The following OR3A2 variants were observed in gnomAD, a reference collection of about 807,000 sequenced individuals.
OR3A2 encodes the protein olfactory receptor 3A2.
For synonymous variants in OR3A2, 126 were observed against 159.3 expected, an observed-to-expected ratio of 0.79 and a Z score of 1.57; for missense variants, 318 against 392.8, an observed-to-expected ratio of 0.81 and a Z score of 1.61.
intron 3 of OR3A2, among the ~76,000 whole-genome samples, chr17:3,332,080 C>G (rs1273892577): frequency 6.6e-6 from 1 of 152,174 alleles, no homozygotes; most frequent in Non-Finnish European, 1.5e-5. Flanking sequence ...ATTCTCAGAT[C>G]TCCAGCTGTG....
At chr17:3,300,702 T>A (rs1026246304) in intron 3 of OR3A2, among the ~76,000 whole-genome samples, 104 of 143,976 alleles carry the variant, frequency 7.2e-4, no homozygotes, top group African/African-American at 1.6e-3. Context: ...CTTTTTTTTT[T>A]AAATTATACT....
chr17:3,378,316 GGC>G (rs1305899706), intron 2 of OR3A2, among the ~76,000 whole-genome samples: 2 of 152,220 alleles, frequency 1.3e-5, no homozygotes, highest in Non-Finnish European at 2.9e-5. Flanking sequence ...GCAGGGGGCT[GGC>G]ACGTCAGCCC....
At chr17:3,277,373 C>T (rs1161359381) in exon 2 of OR3A2, 1 of 152,132 alleles carries the variant, frequency 6.6e-6, no homozygotes, top group Non-Finnish European at 1.5e-5. Flanking sequence ...AAAACAACAA[C>T]AAAACAAAAC....
chr17:3,316,844 G>C (rs2049085569), intron 3 of OR3A2, among the ~76,000 whole-genome samples: 1 of 152,236 alleles, frequency 6.6e-6, no homozygotes, highest in Admixed American at 6.5e-5. Context: ...AGGCAGTACA[G>C]TTGAATGAAG....
At chr17:3,297,941 T>A (rs2048932838) in intron 3 of OR3A2, among the ~76,000 whole-genome samples, 1 of 151,850 alleles carries the variant, frequency 6.6e-6, no homozygotes, top group African/African-American at 2.4e-5. Flanking sequence ...GTGTCTCTTC[T>A]CCCTTTATCT....
rs938842902 is a variant in OR3A2 at position 3,328,753 on chromosome 17, A to G, written c.-85+7280T>C. Among the ~76,000 whole-genome samples the G allele has an allele frequency of 5.0e-5, 7 of 138,812 alleles. No homozygotes were observed. In the Admixed American group the frequency reaches 5.1e-4, roughly 10 times the overall value. 91.1% of individuals were successfully genotyped at this position (138,812 alleles called of 152,430 possible). On this transcript the variant is annotated intron_variant, in intron 3 of 4. Coordinates refer to the OR3A2 transcript ENST00000573491. ...TCCCATCAATACCTAATTTATTGAGAGTTTTTAGCATGAAGGGTTGTTGAA... is the reference window on the plus strand; with the variant it reads ...TCCCATCAATACCTAATTTATTGAGGGTTTTTAGCATGAAGGGTTGTTGAA...
chr17:3,365,835 T>C lies in OR3A2; in HGVS notation c.-179+17969A>G, dbSNP rs181081406. On this transcript the variant is annotated intron_variant, in intron 2 of 4. Transcript: ENST00000573491. The stretch of plus-strand genomic sequence containing the variant: ...TTAATTGCATGCAACAGAAATCAAC[T>C]AGCTTGCTTATGCAAAAAGGAAAAA... 1.4e-4 allele frequency among the ~76,000 whole-genome samples: 21 copies of C among 152,262 alleles called. No homozygotes were observed. The East Asian group carries it at 4.1e-3, about 29-fold the overall frequency.
intron 2 of OR3A2, among the ~76,000 whole-genome samples, chr17:3,371,248 G>A (rs1170475053): frequency 2.0e-5 from 3 of 151,476 alleles, no homozygotes; most frequent in Non-Finnish European, 4.4e-5. Flanking sequence ...GCGAGGGGCT[G>A]ACCTCCTCAC....
intron 2 of OR3A2, among the ~76,000 whole-genome samples, chr17:3,359,328 G>T (rs778582114): frequency 1.3e-5 from 2 of 151,636 alleles, no homozygotes; most frequent in African/African-American, 4.9e-5. Context: ...CTGTTAGCTG[G>T]TTATTATCTT....
At chr17:3,361,208 G>C (rs1199309529) in intron 2 of OR3A2, among the ~76,000 whole-genome samples, 3 of 137,574 alleles carry the variant, frequency 2.2e-5, no homozygotes, top group African/African-American at 8.9e-5. Context: ...CTCATGATTT[G>C]GCTGTTTGTC....
chr17:3,308,389 G>A (rs1567549530), intron 3 of OR3A2, among the ~76,000 whole-genome samples: 1 of 151,976 alleles, frequency 6.6e-6, no homozygotes, highest in Non-Finnish European at 1.5e-5. Flanking sequence ...TCTTTGGCCG[G>A]GTGAGTCTCA....
intron 2 of OR3A2, among the ~76,000 whole-genome samples, chr17:3,374,951 C>T (rs1358214952): frequency 6.6e-6 from 1 of 151,896 alleles, no homozygotes; most frequent in African/African-American, 2.4e-5. Context: ...TGAGTGGGAA[C>T]ATACAATGTT....
In OR3A2 at chr17:3,363,201, C is replaced by G. The variant is rs1297311989; in HGVS notation, c.-179+20603G>C. ...GAAAATGGGTTTGTCTTTTCTACCTCATGGTCAGGCTGCAAATTTTTCAAA... is the reference window on the plus strand; with the variant it reads ...GAAAATGGGTTTGTCTTTTCTACCTGATGGTCAGGCTGCAAATTTTTCAAA... On this transcript the variant is annotated intron_variant, in intron 2 of 4. Coordinates refer to the OR3A2 transcript ENST00000573491. 2.6e-5 allele frequency among the ~76,000 whole-genome samples: 4 copies of G among 151,840 alleles called. 1 individual carries two copies. Among genetic ancestry groups the G allele is most frequent in the African/African-American group, 9.7e-5 (4 of 41,078 alleles).
chr17:3,345,719 C>T lies in OR3A2; in HGVS notation c.-178-9593G>A, dbSNP rs565044108. Among the ~76,000 whole-genome samples, 7 of 151,520 alleles carry T rather than the reference C, an allele frequency of 4.6e-5. No homozygotes were observed. In the East Asian group the frequency reaches 1.4e-3, roughly 29 times the overall value. On this transcript the variant is annotated intron_variant, in intron 2 of 4. Coordinates refer to the OR3A2 transcript ENST00000573491. ...GAGATAAATGAATTTTTAAAAAGGC[C>T]CCAAAGTTTTAACATCTGAAGAATA...
chr17:3,309,903 C>CT (rs75328494), intron 3 of OR3A2: 118,929 of 182,548 alleles, frequency 0.65, 40,283 homozygotes, highest in East Asian at 0.99. Flanking sequence ...CCTGCTTCCC[C>CT]GAAGCTTCCC....
At position 3,354,310 on chromosome 17, in the gene OR3A2, GCTTTT is replaced by G. The variant is rs200887545; in HGVS notation, c.-178-18189_-178-18185del. ...CAGCAGTGAAGCCATTGCGTCCTGT[GCTTTT>G]CTTTTCCTCTTTTTTGAGAAAGGTT... On this transcript the variant is annotated intron_variant, in intron 2 of 4. Transcript: ENST00000573491. Among the ~76,000 whole-genome samples, 1,361 of 151,328 alleles carry G rather than the reference GCTTTT, an allele frequency of 9.0e-3. 53 individuals are homozygous for G. The highest frequency in any genetic ancestry group is 0.032 in the African/African-American group (1,297 of 41,006).
At chr17:3,315,125 G>A (rs2049071061) in intron 3 of OR3A2, among the ~76,000 whole-genome samples, 1 of 152,124 alleles carries the variant, frequency 6.6e-6, no homozygotes, top group African/African-American at 2.4e-5. Flanking sequence ...CTTTGCTATT[G>A]TGAATAGCTC....
chr17:3,321,563 T>C (rs1381255084), intron 3 of OR3A2, among the ~76,000 whole-genome samples: 1 of 152,198 alleles, frequency 6.6e-6, no homozygotes, highest in Non-Finnish European at 1.5e-5. Context: ...TATCAATACC[T>C]AATTTATTGA....
upstream of OR3A2, among the ~76,000 whole-genome samples, chr17:3,286,998 G>T (rs1017912416): frequency 3.3e-5 from 5 of 152,184 alleles, no homozygotes; most frequent in Non-Finnish European, 2.9e-5. Flanking sequence ...CCATGCCTAT[G>T]TCCTGAATGG....
Sources: gnomAD v4.1 joint callset for allele counts (sites outside exome capture counted in the v4.1 genomes callset) on GRCh38, gnomAD v4.1.1 for gene constraint, MANE v1.5 for transcripts, NCBI Gene and HGNC (gene_info 2026-07-23, HGNC 2026-07-21) for gene names.